The following HAL variants were observed in gnomAD, a reference collection of about 807,000 sequenced individuals.
The protein encoded by HAL is histidase.
Under a neutral mutation model 81.1 loss-of-function variants are expected in HAL, and 85 were observed. That is an observed-to-expected ratio of 1.05 (90% CI 0.88 to 1.25). The LOEUF (loss-of-function observed/expected upper bound fraction) is 1.25, where lower values mean the gene tolerates loss of function less well. HAL is among the 50% of genes most tolerant of loss of function. The pLI, the probability that HAL is intolerant of heterozygous loss-of-function variation, is 0.00. For missense variants in HAL, 798 were observed against 836.6 expected, an observed-to-expected ratio of 0.95 and a Z score of 0.57; for synonymous variants, 301 against 309.2, an observed-to-expected ratio of 0.97 and a Z score of 0.28.
Position 95,990,423 on chromosome 12 carries a change from A to C in HAL, c.825T>G (p.Ser275=). ...LGLVGEGKMW[S]PKSGWADAKY... The stretch of plus-strand genomic sequence containing the variant: ...TAGCATCAGCCCAGCCACTCTTCGG[A>C]GACCACATCTTCCCTTCTCCAACTA... The change falls in exon 10 of 21, where the codon TCT becomes TCG. Residue 275 remains serine, a synonymous_variant. Transcript: ENST00000261208. 1 of 1,613,566 alleles carries C rather than the reference A, an allele frequency of 6.2e-7. No homozygotes were observed. Among genetic ancestry groups the C allele is most frequent in the Non-Finnish European group, 8.5e-7 (1 of 1,179,438 alleles).
At position 95,993,439 on chromosome 12, in the gene HAL, G is replaced by T; in HGVS notation, c.589+12C>A. 1 of 1,575,092 alleles carries T rather than the reference G, an allele frequency of 6.3e-7. No homozygotes were observed. The highest frequency in any genetic ancestry group is 8.7e-7 in the Non-Finnish European group (1 of 1,144,260). ...ACACAAGATCCAGGAGGCACCCAAC[G>T]TTTTGACTTACCTGAAGAATGTGAG... On this transcript the variant is annotated intron_variant, in intron 8 of 20. Transcript: ENST00000261208.
Position 95,983,933 on chromosome 12 carries a change from A to G in HAL, c.1265T>C (p.Leu422Pro), listed in dbSNP as rs750576082. 6.4e-7 allele frequency: 1 copy of G among 1,565,434 alleles called. No individual in the cohort carries two copies. The highest frequency in any genetic ancestry group is 2.2e-5 in the East Asian group (1 of 44,634). Residue 422 changes from leucine to proline, a missense_variant, in exon 15 of 21, where the codon CTG becomes CCG. Coordinates refer to ENST00000261208, the MANE Select transcript of HAL (RefSeq NM_002108.4). ...TACAGGATTATCTGTTGCGCTGTTC[A>G]GTTCTGTGGTAATGATGTTCTTCAC... ...AFVKNIITTE[L>P]NSATDNPMVF...
In HAL at chr12:95,987,216, T is replaced by C. The variant is rs768806793; in HGVS notation, c.904-2A>G. On this transcript the variant is annotated splice_acceptor_variant, in intron 11 of 20. Transcript: ENST00000261208. LOFTEE classifies it high-confidence loss of function. Reference sequence around the variant, plus strand: ...CGTCCCATTGATGAGTGCCAGGCCCTGTCGGGGGAGAGAGCAAAGTTTCCT... The same window carrying C: ...CGTCCCATTGATGAGTGCCAGGCCCCGTCGGGGGAGAGAGCAAAGTTTCCT... 13 of 1,613,438 alleles carry C rather than the reference T, an allele frequency of 8.1e-6. No individual in the cohort carries two copies. The highest frequency in any genetic ancestry group is 2.2e-5 in the South Asian group (2 of 91,078).
intron 17 of HAL, among the ~76,000 whole-genome samples, chr12:95,978,508 C>A (rs1197128805): frequency 1.3e-5 from 2 of 152,114 alleles, no homozygotes; most frequent in African/African-American, 2.4e-5. Context: ...AGATTTAACA[C>A]TTCAGAGTGT....
chr12:95,978,902 T>C (rs1352932688), intron 17 of HAL, among the ~76,000 whole-genome samples: 1 of 152,190 alleles, frequency 6.6e-6, no homozygotes, highest in Non-Finnish European at 1.5e-5. Context: ...TGGGATCGCA[T>C]CCTAAGATGA....
chr12:95,980,520 C>A (rs368127781), intron 17 of HAL, 36 bp downstream of exon 17: 1 of 1,599,468 alleles, frequency 6.3e-7, no homozygotes, highest in Non-Finnish European at 8.6e-7. Context: ...CTTAGATGGA[C>A]GGGCGTGTGT....
In HAL at chr12:95,993,455, AG is replaced by A; in HGVS notation, c.584del (p.Ser195PhefsTer8). The A allele has an allele frequency of 1.2e-6, 2 of 1,601,858 alleles. No homozygotes were observed. The highest frequency in any genetic ancestry group is 1.7e-6 in the Non-Finnish European group (2 of 1,168,718). On this transcript the variant is annotated frameshift_variant, in exon 8 of 21. Transcript: ENST00000261208. LOFTEE classifies it high-confidence loss of function. ...GCACCCAACGTTTTGACTTACCTGA[AG>A]AATGTGAGCGTACTAAGTTGACCTG... ...ELQVNLVRSH[S>X]SGVGKPLSPE... is the part of the protein sequence containing the mutation.
chr12:95,985,035 G>T (rs1381253420), intron 14 of HAL, among the ~76,000 whole-genome samples: 1 of 152,134 alleles, frequency 6.6e-6, no homozygotes, highest in Non-Finnish European at 1.5e-5. Context: ...GATGCCTAAT[G>T]CCAACCCAGG....
chr12:95,986,446 T>G (rs1949889991), intron 12 of HAL, among the ~76,000 whole-genome samples: 1 of 152,126 alleles, frequency 6.6e-6, no homozygotes, highest in Non-Finnish European at 1.5e-5. Flanking sequence ...ATTAGAAACT[T>G]AACTCCGAAA....
Position 95,989,055 on chromosome 12 carries a change from A to G in HAL, c.856-815T>C, listed in dbSNP as rs570681868. 3.9e-5 allele frequency among the ~76,000 whole-genome samples: 6 copies of G among 152,312 alleles called. No individual in the cohort carries two copies. The East Asian group carries it at 1.2e-3, about 29-fold the overall frequency. ...TGAGTAATAGTACATTCAGTGCTTGAGGATGTGGGAAGTGGGTGGGGTGCA... is the reference window on the plus strand; with the variant it reads ...TGAGTAATAGTACATTCAGTGCTTGGGGATGTGGGAAGTGGGTGGGGTGCA... On this transcript the variant is annotated intron_variant, in intron 10 of 20. Coordinates refer to ENST00000261208, the MANE Select transcript of HAL (RefSeq NM_002108.4).
intron 17 of HAL, 137 bp downstream of exon 17, chr12:95,980,419 A>G: frequency 1.2e-6 from 1 of 804,750 alleles, no homozygotes; most frequent in Non-Finnish European, 2.1e-6. Flanking sequence ...TTACCTTTGC[A>G]CTGAGAGAAC....
intron 20 of HAL, among the ~76,000 whole-genome samples, chr12:95,975,721 G>C (rs887642829): frequency 1.3e-5 from 2 of 152,144 alleles, no homozygotes; most frequent in Non-Finnish European, 2.9e-5. Flanking sequence ...CATCCAGAGT[G>C]CAGGGCATGC....
chr12:95,987,292 C>T (rs1260999214), intron 11 of HAL, 78 bp from the exon 12 acceptor site: 4 of 1,247,866 alleles, frequency 3.2e-6, no homozygotes, highest in Non-Finnish European at 4.7e-6. Context: ...GTATCTTTTG[C>T]TTTCATAAGA....
chr12:95,977,642 CAAAAAA>C (rs60410496), intron 18 of HAL, among the ~76,000 whole-genome samples: 25,563 of 99,884 alleles, frequency 0.26, 2,670 homozygotes, highest in South Asian at 0.4. Flanking sequence ...GATCCTGCCT[CAAAAAA>C]AAAAAAAAAA....
chr12:95,988,634 C>G (rs1471217502), intron 10 of HAL, among the ~76,000 whole-genome samples: 1 of 152,172 alleles, frequency 6.6e-6, no homozygotes, highest in South Asian at 2.1e-4. Context: ...CCAGTTCACG[C>G]TCCCTTGCCT....
chr12:95,977,955 T>G lies in HAL; in HGVS notation c.1643A>C (p.His548Pro). ...CTCATCAGCATTACCTTGCTCCACA[T>G]GCTCGATGACCCTGAGGGCTTTCCT... The part of the protein sequence containing the change: ...AARKALRVIE[H>P]VEQVLAIELL... Residue 548 changes from histidine (H) to proline (P), a missense_variant, in exon 18 of 21, where the codon CAT becomes CCT. Transcript: ENST00000261208. 6.2e-7 allele frequency: 1 copy of G among 1,614,160 alleles called. No homozygotes were observed. Among genetic ancestry groups the G allele is most frequent in the African/African-American group, 1.3e-5 (1 of 75,050 alleles).
In HAL at chr12:95,985,941, G is replaced by A. The variant is rs1354724124; in HGVS notation, c.1173C>T (p.Val391=). 1 of 1,612,302 alleles carries A rather than the reference G, an allele frequency of 6.2e-7. No individual in the cohort carries two copies. Among genetic ancestry groups the A allele is most frequent in the Admixed American group, 1.7e-5 (1 of 59,978 alleles). Residue 391 remains valine, a synonymous_variant, in exon 14 of 21, where the codon GTC becomes GTT. Transcript: ENST00000261208. ...AGCAGCGCAAGGTGTATGCATCCTG[G>A]ACGCGATCACAGAACCTGTGACTCT... ...IAESHRFCDR[V]QDAYTLRCCP... is the part of the protein sequence containing the mutation.
rs2080669706 is a variant in HAL at position 95,972,903 on chromosome 12, T to C, written c.*1329A>G. The C allele has an allele frequency of 6.6e-6, 1 of 152,192 alleles. No individual in the cohort carries two copies. Among genetic ancestry groups the C allele is most frequent in the Non-Finnish European group, 1.5e-5 (1 of 68,034 alleles). The allele number at this position is 152,192 out of a possible 1,614,324, so 9.4% of individuals were successfully genotyped here. ...ACAATGCACAAACCTCATTTGTGTG[T>C]GTTCACATTTTGACAAGGAATAGCA... On this transcript the variant is annotated 3_prime_UTR_variant, in exon 21 of 21. Transcript: ENST00000261208.
intron 5 of HAL, 45 bp downstream of exon 5, chr12:95,994,045 G>A: frequency 6.3e-7 from 1 of 1,593,552 alleles, no homozygotes; most frequent in Admixed American, 1.7e-5. Flanking sequence ...ACTTCCACGG[G>A]CAACAAAAAT....
Sources: allele counts gnomAD v4.1 joint callset (sites outside exome capture counted in the v4.1 genomes callset), GRCh38; gene constraint gnomAD v4.1.1; transcripts MANE v1.5; gene names NCBI Gene and HGNC (gene_info 2026-07-23, HGNC 2026-07-21).